ZBTB24: variants seen among roughly 807,000 people sequenced by gnomAD.
The protein encoded by ZBTB24 is zinc finger and BTB domain-containing protein 24.
A neutral mutation model predicts 53.8 loss-of-function variants in ZBTB24; 32 were observed. The ratio of observed to expected loss-of-function variants is 0.60; its 90% CI spans 0.45 to 0.80. ZBTB24 has a LOEUF of 0.80. Ranked by LOEUF, ZBTB24 falls within the 30% of genes least tolerant of loss-of-function variation. The pLI is 0.00. For missense variants in ZBTB24, 722 were observed against 837.1 expected (o/e 0.86, Z 1.70); for synonymous variants, 297 against 306.7 (o/e 0.97, Z 0.33).
intron 1 of ZBTB24, among the ~76,000 whole-genome samples, chr6:109,482,861 A>G (rs1776460423): frequency 6.6e-6 from 1 of 152,066 alleles, no homozygotes; most frequent in East Asian, 1.9e-4. Context: ...AATGTGAGGT[A>G]GCTGCAATAA....
intron 5 of ZBTB24, among the ~76,000 whole-genome samples, chr6:109,471,403 G>A (rs1196886163): frequency 6.6e-6 from 1 of 152,218 alleles, no homozygotes; most frequent in East Asian, 1.9e-4. Flanking sequence ...AGGTCTCAAC[G>A]TTAATGGATG....
At chr6:109,471,686 A>G (rs544089220) in intron 5 of ZBTB24, among the ~76,000 whole-genome samples, 60 of 152,296 alleles carry the variant, frequency 3.9e-4, no homozygotes, top group African/African-American at 1.4e-3. Flanking sequence ...CCAGCTCACC[A>G]TGCAATCTTC....
In ZBTB24 at chr6:109,476,270, A is replaced by C. The variant is rs1004544519; in HGVS notation, c.1121-12T>G. 1.2e-6 allele frequency: 2 copies of C among 1,613,832 alleles called. No homozygotes were observed. Among genetic ancestry groups the C allele is most frequent in the Admixed American group, 1.7e-5 (1 of 60,026 alleles). ...AAAAGACTTCTGTCCTGCCAAAAAAACCAAAACACTAAAACATGTAAAAAA... is the reference window on the plus strand; with the variant it reads ...AAAAGACTTCTGTCCTGCCAAAAAACCCAAAACACTAAAACATGTAAAAAA... On this transcript the variant is annotated splice_polypyrimidine_tract_variant and intron_variant, in intron 3 of 6. Transcript: ENST00000230122.
Position 109,462,988 on chromosome 6 carries a change from C to T in ZBTB24, c.*2863G>A, listed in dbSNP as rs1455243731. 2 of 152,152 alleles carry T rather than the reference C, an allele frequency of 1.3e-5. No homozygotes were observed. Among genetic ancestry groups the T allele is most frequent in the Non-Finnish European group, 2.9e-5 (2 of 68,030 alleles). 9.4% of individuals were successfully genotyped at this position (152,152 alleles called of 1,614,324 possible). On this transcript the variant is annotated 3_prime_UTR_variant, in exon 7 of 7. Coordinates refer to ENST00000230122, the MANE Select transcript of ZBTB24 (RefSeq NM_014797.3). ...CGACATTTCTTTTGGGTACTCAAGTCATTTAACTTTTTTTTTTGAGACGGA... is the reference window on the plus strand; with the variant it reads ...CGACATTTCTTTTGGGTACTCAAGTTATTTAACTTTTTTTTTTGAGACGGA...
intron 2 of ZBTB24, among the ~76,000 whole-genome samples, chr6:109,477,182 C>A (rs1473850875): frequency 6.6e-6 from 1 of 152,202 alleles, no homozygotes; most frequent in Non-Finnish European, 1.5e-5. Flanking sequence ...ATCACCCAGG[C>A]TGGAGTGCAG....
intron 5 of ZBTB24, among the ~76,000 whole-genome samples, chr6:109,470,885 C>G (rs1776151483): frequency 6.6e-6 from 1 of 152,210 alleles, no homozygotes; most frequent in South Asian, 2.1e-4. Flanking sequence ...TTTGTCACAT[C>G]AGTAAAGCCA....
intron 5 of ZBTB24, among the ~76,000 whole-genome samples, chr6:109,468,652 C>A (rs1402725513): frequency 1.3e-5 from 2 of 152,056 alleles, no homozygotes; most frequent in East Asian, 3.9e-4. Flanking sequence ...TTATCCATTT[C>A]TTCCTTTTTA....
chr6:109,475,860 G>A (rs1430724771), intron 4 of ZBTB24, among the ~76,000 whole-genome samples: 6 of 152,266 alleles, frequency 3.9e-5, no homozygotes, highest in South Asian at 4.1e-4. Flanking sequence ...GCCATGGGAT[G>A]ATGATGTCTC....
intron 5 of ZBTB24, among the ~76,000 whole-genome samples, chr6:109,474,647 T>C (rs748965924): frequency 2.4e-4 from 36 of 150,912 alleles, no homozygotes; most frequent in Non-Finnish European, 2.2e-4. Context: ...GGCAGGAGAA[T>C]CACTTGAACC....
intron 2 of ZBTB24, among the ~76,000 whole-genome samples, chr6:109,477,218 C>T (rs115090220): frequency 0.021 from 3,136 of 152,318 alleles, 98 homozygotes; most frequent in African/African-American, 0.072. Flanking sequence ...TGACTATAGC[C>T]TCAACCTCCT....
At chr6:109,482,547 C>T (rs1439690487) in intron 1 of ZBTB24, among the ~76,000 whole-genome samples, 7 of 150,442 alleles carry the variant, frequency 4.7e-5, no homozygotes, top group African/African-American at 1.5e-4. Context: ...GGCTGGAGTG[C>T]AGTGGCGCAA....
At position 109,481,172 on chromosome 6, in the gene ZBTB24, C is replaced by A. The variant is rs143216162; in HGVS notation, c.855G>T (p.Arg285Ser). Residue 285 changes from arginine to serine, a missense_variant, in exon 2 of 7, where the codon AGG (arginine) becomes AGT (serine). Physicochemically the swap from Arg to Ser is moderately radical, Grantham distance 110 (BLOSUM62 -1). Transcript: ENST00000230122. Reference protein sequence around the residue: ...DHGSAKRICGRRKRPGGPEAR... With the variant: ...DHGSAKRICGSRKRPGGPEAR... ...CCTCAGGGCCTCCAGGGCGCTTTCT[C>A]CTTCCACAGATCCTCTTGGCTGAAC... The A allele has an allele frequency of 2.5e-5, 41 of 1,614,106 alleles. No homozygotes were observed. In the Admixed American group the frequency reaches 2.8e-4, roughly 11 times the overall value.
chr6:109,466,161 A>G lies in ZBTB24; in HGVS notation c.1784T>C (p.Leu595Pro), dbSNP rs1280279167. 1 of 1,614,228 alleles carries G rather than the reference A, an allele frequency of 6.2e-7. No homozygotes were observed. The highest frequency in any genetic ancestry group is 8.5e-7 in the Non-Finnish European group (1 of 1,180,040). ...TADQAANLTL[L>P]TQQPEQLQNL... is the part of the protein sequence containing the mutation. ...CTGCAGTTGCTCTGGCTGCTGCGTG[A>G]GCAGGGTAAGATTAGCAGCCTGGTC... Residue 595 changes from leucine to proline, a missense_variant, in exon 7 of 7, where the codon CTC becomes CCC. Leu to Pro is a moderately conservative substitution (Grantham distance 98, BLOSUM62 -3). Coordinates refer to ENST00000230122, the MANE Select transcript of ZBTB24 (RefSeq NM_014797.3).
Position 109,463,649 on chromosome 6 carries a change from A to C in ZBTB24, c.*2202T>G, listed in dbSNP as rs1457447724. ...TGTAAGTTGTATGAAATCTAAATAC[A>C]GATCAAGTATGTCCAATGAACATTA... On this transcript the variant is annotated 3_prime_UTR_variant, in exon 7 of 7. Coordinates refer to ENST00000230122, the MANE Select transcript of ZBTB24 (RefSeq NM_014797.3). 6.6e-6 allele frequency: 1 copy of C among 152,250 alleles called. No individual in the cohort carries two copies. The highest frequency in any genetic ancestry group is 1.5e-5 in the Non-Finnish European group (1 of 68,046). 9.4% of individuals were successfully genotyped at this position (152,250 alleles called of 1,614,324 possible).
At chr6:109,468,002 T>C (rs1704324095) in intron 5 of ZBTB24, among the ~76,000 whole-genome samples, 1 of 152,134 alleles carries the variant, frequency 6.6e-6, no homozygotes, top group Non-Finnish European at 1.5e-5. Context: ...AACAAGGAAG[T>C]GAGTTACACT....
In ZBTB24 at chr6:109,465,971, G is replaced by A. The variant is rs778943402; in HGVS notation, c.1974C>T (p.Leu658=). Residue 658 remains leucine (L), a synonymous_variant, in exon 7 of 7, where the codon CTC becomes CTT. Transcript: ENST00000230122. ...LHAHQEQTEE[L]HLATSTSDPA... ...GATCTGAAGTACTTGTAGCTAAATG[G>A]AGCTCCTCTGTTTGCTCTTGATGGG... is the stretch of plus-strand genomic sequence containing the variant. The A allele has an allele frequency of 1.9e-6, 3 of 1,614,202 alleles. No homozygotes were observed. In the East Asian group the frequency reaches 6.7e-5, roughly 36 times the overall value.
At position 109,466,086 on chromosome 6, in the gene ZBTB24, A is replaced by C. The variant is rs1776033193; in HGVS notation, c.1859T>G (p.Leu620Arg). Residue 620 changes from leucine to arginine, a missense_variant, in exon 7 of 7, where the codon CTC (leucine) becomes CGC (arginine). Leu to Arg is a moderately radical substitution (Grantham distance 102). Coordinates refer to ENST00000230122, the MANE Select transcript of ZBTB24 (RefSeq NM_014797.3). Reference sequence around the variant, plus strand: ...CCCCATCTGGCTTTCAATCATATTGAGGCTCTGAATGTGTTCTGTTTGCTC... The same window carrying C: ...CCCCATCTGGCTTTCAATCATATTGCGGCTCTGAATGTGTTCTGTTTGCTC... The part of the protein sequence containing the change: ...QQEQTEHIQS[L>R]NMIESQMGPS... 1 of 1,614,060 alleles carries C rather than the reference A, an allele frequency of 6.2e-7. No homozygotes were observed. The highest frequency in any genetic ancestry group is 1.1e-5 in the South Asian group (1 of 91,088).
At chr6:109,482,739 T>C (rs1394686430) in intron 1 of ZBTB24, among the ~76,000 whole-genome samples, 1 of 152,192 alleles carries the variant, frequency 6.6e-6, no homozygotes, top group Non-Finnish European at 1.5e-5. Flanking sequence ...GAACTTTCTA[T>C]GGTTGCACAA....
intron 2 of ZBTB24, among the ~76,000 whole-genome samples, chr6:109,480,331 T>C (rs1239076183): frequency 6.6e-6 from 1 of 152,202 alleles, no homozygotes; most frequent in African/African-American, 2.4e-5. Context: ...GATTTCTCAC[T>C]AGGACTGCAG....
Sources: allele counts gnomAD v4.1 joint callset (sites outside exome capture counted in the v4.1 genomes callset), GRCh38; gene constraint gnomAD v4.1.1; transcripts MANE v1.5; gene names NCBI Gene and HGNC (gene_info 2026-07-23, HGNC 2026-07-21).